CNKSR2: variants seen among roughly 807,000 people sequenced by gnomAD.
CNKSR2 encodes connector enhancer of kinase suppressor of Ras 2, also known as CNK homolog protein 2.
CNKSR2 carries 14 observed loss-of-function variants against 84.4 expected under a neutral mutation model. The ratio of observed to expected loss-of-function variants is 0.17; its 90% CI spans 0.11 to 0.26. The LOEUF (loss-of-function observed/expected upper bound fraction) is 0.26. Ranked by LOEUF, CNKSR2 falls within the 10% of genes least tolerant of loss-of-function variation. The pLI is 1.00. For synonymous variants in CNKSR2, 275 were observed against 277.9 expected (o/e 0.99, Z 0.10); for missense variants, 485 against 771.2 (o/e 0.63, Z 4.40).
At chrX:21,539,252 C>G (rs1225133888) in intron 11 of CNKSR2, among the ~76,000 whole-genome samples, 2 of 111,228 alleles carry the variant, frequency 1.8e-5, no homozygotes, top group Admixed American at 9.5e-5. Flanking sequence ...TCTTTATATT[C>G]AGAAATTCCT....
intron 1 of CNKSR2, among the ~76,000 whole-genome samples, chrX:21,418,334 A>G (rs941627528): frequency 2.7e-5 from 3 of 111,638 alleles, no homozygotes; most frequent in African/African-American, 9.7e-5. Flanking sequence ...CGCCACAATT[A>G]CAGTGTTGGT....
chrX:21,442,792 A>G (rs902206366), intron 4 of CNKSR2, among the ~76,000 whole-genome samples: 7 of 111,901 alleles, frequency 6.3e-5, no homozygotes, highest in African/African-American at 2.3e-4. Context: ...GAAAATGTAT[A>G]TATACACCAT....
At chrX:21,567,796 G>GT (rs1491573695) in intron 13 of CNKSR2, among the ~76,000 whole-genome samples, 239 of 2,308 alleles carry the variant, frequency 0.1, 1 homozygote, top group Middle Eastern at 0.25. Flanking sequence ...TTTTTGTGTG[G>GT]TGTGTGTGTG....
intron 11 of CNKSR2, among the ~76,000 whole-genome samples, chrX:21,545,495 C>T (rs980854654): frequency 1.2e-4 from 14 of 112,083 alleles, no homozygotes; most frequent in Non-Finnish European, 1.9e-4. Context: ...GGTGCAGCTT[C>T]GGCAGACTTA....
At chrX:21,542,036 T>G (rs2091981355) in intron 11 of CNKSR2, among the ~76,000 whole-genome samples, 2 of 112,473 alleles carry the variant, frequency 1.8e-5, no homozygotes, top group African/African-American at 3.2e-5. Context: ...TTGGATTTAC[T>G]AACACTATAA....
At chrX:21,607,238 A>T (rs2092522738) in intron 19 of CNKSR2, among the ~76,000 whole-genome samples, 1 of 111,974 alleles carries the variant, frequency 8.9e-6, no homozygotes, top group Admixed American at 9.5e-5. Context: ...GTGTATTCCT[A>T]TGTCCTTTAG....
At chrX:21,440,811 AT>A in intron 4 of CNKSR2, 30 bp downstream of exon 4, 1 of 924,527 alleles carries the variant, frequency 1.1e-6, no homozygotes, top group East Asian at 3.2e-5. Context: ...CCTTCTGTTA[AT>A]TTATTAGCAA....
chrX:21,428,982 C>T (rs1364193951), intron 2 of CNKSR2: 1 of 112,173 alleles, frequency 8.9e-6, no homozygotes, highest in East Asian at 2.8e-4. Flanking sequence ...AATAAAATGG[C>T]ATTGACATTG....
intron 3 of CNKSR2, among the ~76,000 whole-genome samples, chrX:21,435,789 TAAAC>T (rs1363235405): frequency 1.8e-5 from 2 of 111,929 alleles, no homozygotes; most frequent in Non-Finnish European, 3.8e-5. Context: ...AAATTATTAT[TAAAC>T]AAAGTTTATT....
intron 5 of CNKSR2, among the ~76,000 whole-genome samples, chrX:21,481,114 T>C (rs1330990295): frequency 8.9e-6 from 1 of 112,061 alleles, no homozygotes; most frequent in Non-Finnish European, 1.9e-5. Flanking sequence ...TTAATACATG[T>C]AAATGACTTA....
chrX:21,639,845 C>G (rs1405318575), intron 20 of CNKSR2, among the ~76,000 whole-genome samples: 1 of 111,327 alleles, frequency 9.0e-6, no homozygotes, highest in Non-Finnish European at 1.9e-5. Context: ...GTTCCATACC[C>G]AGAAATTCTG....
At chrX:21,539,415 A>G (rs1449287153) in intron 11 of CNKSR2, among the ~76,000 whole-genome samples, 1 of 110,238 alleles carries the variant, frequency 9.1e-6, no homozygotes, top group Non-Finnish European at 1.9e-5. Context: ...TGTGTTCCTT[A>G]TTTTGTTGAA....
intron 1 of CNKSR2, among the ~76,000 whole-genome samples, chrX:21,395,625 G>A (rs772918757): frequency 5.4e-5 from 6 of 110,865 alleles, no homozygotes; most frequent in African/African-American, 2.0e-4. Flanking sequence ...AATTATTTGG[G>A]TTTCTGGTTT....
chrX:21,457,919 C>T (rs773208936), intron 4 of CNKSR2, among the ~76,000 whole-genome samples: 3 of 112,159 alleles, frequency 2.7e-5, no homozygotes, highest in South Asian at 7.4e-4. Context: ...CTCTTGACAA[C>T]TCTACAAAGA....
intron 20 of CNKSR2, chrX:21,643,814 A>C (rs1183714903): frequency 4.5e-5 from 5 of 111,369 alleles, no homozygotes; most frequent in Admixed American, 9.6e-5. Context: ...TGATATAACA[A>C]ACTGCCTTCC....
At chrX:21,559,468 A>C (rs1314108890) in intron 11 of CNKSR2, among the ~76,000 whole-genome samples, 1 of 111,303 alleles carries the variant, frequency 9.0e-6, no homozygotes, top group Non-Finnish European at 1.9e-5. Flanking sequence ...ACTTGTTCAT[A>C]CATTGCATGT....
intron 13 of CNKSR2, among the ~76,000 whole-genome samples, chrX:21,567,797 TGTGTGTGTGTGTGTG>T (rs1569246844): frequency 2.5e-4 from 1 of 4,025 alleles, no homozygotes; most frequent in African/African-American, 3.2e-4. Flanking sequence ...TTTTGTGTGG[TGTGTGTGTGTGTGTG>T]TGTGTGTGTG....
At chrX:21,530,391 C>T (rs916833913) in intron 10 of CNKSR2, among the ~76,000 whole-genome samples, 1 of 111,023 alleles carries the variant, frequency 9.0e-6, no homozygotes, top group African/African-American at 3.3e-5. Context: ...TTTGGACAAA[C>T]CTAAACATTT....
chrX:21,387,755 T>C (rs950335956), intron 1 of CNKSR2, among the ~76,000 whole-genome samples: 1 of 111,240 alleles, frequency 9.0e-6, no homozygotes, highest in Admixed American at 9.5e-5. Flanking sequence ...TCAGATAATA[T>C]AACCTACCTA....
Sources: gnomAD v4.1 joint callset for allele counts (sites outside exome capture counted in the v4.1 genomes callset) on GRCh38, gnomAD v4.1.1 for gene constraint, MANE v1.5 for transcripts, NCBI Gene and HGNC (gene_info 2026-07-23, HGNC 2026-07-21) for gene names.